Variants in STON2 observed in about 807,000 individuals in gnomAD.
STON2 encodes stonin-2.
In STON2, 29 loss-of-function variants were observed where a neutral mutation model predicts 65.7. The observed-to-expected ratio is 0.44, with a 90% CI of 0.33 to 0.60. The LOEUF (loss-of-function observed/expected upper bound fraction) is 0.60. STON2 is among the 20% of genes least tolerant of loss of function. The pLI, the probability that STON2 is intolerant of heterozygous loss-of-function variation, is 0.03. For missense variants in STON2, 1,054 were observed against 1,118.1 expected (o/e 0.94, Z 0.82); for synonymous variants, 404 against 414.2 (o/e 0.98, Z 0.30).
At chr14:81,375,341 T>A (rs1899202325) in intron 3 of STON2, among the ~76,000 whole-genome samples, 1 of 151,444 alleles carries the variant, frequency 6.6e-6, no homozygotes, top group South Asian at 2.1e-4. Flanking sequence ...AAAAAATATA[T>A]CTAAAATACA....
chr14:81,408,136 A>AACACACACACACACACACAC (rs149914558), intron 2 of STON2, among the ~76,000 whole-genome samples: 3 of 149,002 alleles, frequency 2.0e-5, no homozygotes, highest in African/African-American at 7.4e-5. Context: ...TTCACTGAAG[A>AACACACACACACACACACAC]ACACACACAC....
intron 5 of STON2, among the ~76,000 whole-genome samples, chr14:81,288,298 T>C (rs753818360): frequency 3.9e-5 from 6 of 152,194 alleles, no homozygotes; most frequent in African/African-American, 1.4e-4. Context: ...GATTTCCTCA[T>C]TGTGGGAACA....
At chr14:81,391,463 G>A (rs751906210) in intron 3 of STON2, among the ~76,000 whole-genome samples, 19 of 152,258 alleles carry the variant, frequency 1.2e-4, no homozygotes, top group Non-Finnish European at 2.2e-4. Flanking sequence ...GGGGGCTAAC[G>A]CCTAGTCTCT....
At chr14:81,377,490 T>C (rs1899307861) in intron 3 of STON2, among the ~76,000 whole-genome samples, 1 of 152,230 alleles carries the variant, frequency 6.6e-6, no homozygotes, top group African/African-American at 2.4e-5. Flanking sequence ...GTACAGGTTT[T>C]TGTATGAACG....
At chr14:81,331,823 T>G (rs1815725974) in intron 4 of STON2, among the ~76,000 whole-genome samples, 1 of 152,190 alleles carries the variant, frequency 6.6e-6, no homozygotes, top group Admixed American at 6.5e-5. Context: ...GCCTAACTGC[T>G]GCCAACTACT....
At chr14:81,340,288 G>C (rs1897552391) in intron 4 of STON2, among the ~76,000 whole-genome samples, 1 of 152,208 alleles carries the variant, frequency 6.6e-6, no homozygotes, top group South Asian at 2.1e-4. Context: ...TGGGTGCTTA[G>C]GGGTGGGGTG....
chr14:81,279,279 G>A (rs745905898), intron 5 of STON2, among the ~76,000 whole-genome samples: 4 of 152,122 alleles, frequency 2.6e-5, no homozygotes, highest in Non-Finnish European at 5.9e-5. Context: ...GTTCATACAT[G>A]TGAATAAGAA....
chr14:81,367,386 A>G (rs1324425229), intron 4 of STON2, among the ~76,000 whole-genome samples: 1 of 152,150 alleles, frequency 6.6e-6, no homozygotes, highest in African/African-American at 2.4e-5. Flanking sequence ...CATGTTGGCC[A>G]GGGTGGTCTC....
intron 4 of STON2, among the ~76,000 whole-genome samples, chr14:81,365,899 A>C (rs1898701109): frequency 6.6e-6 from 1 of 152,190 alleles, no homozygotes; most frequent in Non-Finnish European, 1.5e-5. Context: ...TATTCCCTCG[A>C]CCCTCTTACT....
At chr14:81,420,095 G>A (rs1010079387) in intron 2 of STON2, among the ~76,000 whole-genome samples, 3 of 152,182 alleles carry the variant, frequency 2.0e-5, no homozygotes, top group African/African-American at 7.2e-5. Flanking sequence ...TCCTTTAGCA[G>A]CAGATGAGAA....
intron 5 of STON2, among the ~76,000 whole-genome samples, chr14:81,297,218 G>A (rs1895797103): frequency 6.6e-6 from 1 of 152,106 alleles, no homozygotes; most frequent in African/African-American, 2.4e-5. Flanking sequence ...TATGCCAGCT[G>A]GTCTGTCTAG....
chr14:81,400,416 G>A (rs1398109776), upstream of STON2, among the ~76,000 whole-genome samples: 1 of 139,226 alleles, frequency 7.2e-6, no homozygotes, highest in East Asian at 2.2e-4. Context: ...CAGTAAAATT[G>A]AAGAGTCAGA....
At chr14:81,292,370 C>A (rs1019035036) in intron 5 of STON2, among the ~76,000 whole-genome samples, 5 of 152,136 alleles carry the variant, frequency 3.3e-5, no homozygotes, top group Admixed American at 3.3e-4. Context: ...TTGACCCATG[C>A]CAGGTGATAT....
intron 3 of STON2, among the ~76,000 whole-genome samples, chr14:81,376,463 A>G (rs1899257053): frequency 1.3e-5 from 2 of 152,140 alleles, no homozygotes; most frequent in Admixed American, 1.3e-4. Flanking sequence ...ACCTTGAAAT[A>G]AAGTGAACCA....
chr14:81,436,136 G>T (rs1386588335), intron 1 of STON2: 2 of 152,204 alleles, frequency 1.3e-5, no homozygotes, highest in Non-Finnish European at 2.9e-5. Flanking sequence ...GCCCGCGGCT[G>T]GTGGAAACGC....
rs1896657198 is a variant in STON2, at chr14:81,317,187, G to A, written c.742+6830C>T. On this transcript the variant is annotated intron_variant, in intron 5 of 7. Transcript: ENST00000614646. ...TCACGTGGCAAGAGAAAGAGCAAGA[G>A]AGATGCTAGGCTCTTTTAAACAACC... 2.6e-5 allele frequency among the ~76,000 whole-genome samples: 4 copies of A among 152,312 alleles called. No homozygotes were observed. The South Asian group carries it at 8.3e-4, about 32-fold the overall frequency.
chr14:81,264,800 A>C lies in STON2; in HGVS notation c.*3614T>G, dbSNP rs930831821. On this transcript the variant is annotated 3_prime_UTR_variant, in exon 8 of 8. Coordinates refer to ENST00000614646, the MANE Select transcript of STON2 (RefSeq NM_001394390.1). ...TATGAATGAAATGCAAACTTTTGAT[A>C]AGGAATAACTAGTACTATGTCTGCA... 3.0e-6 allele frequency: 3 copies of C among 985,340 alleles called. No individual in the cohort carries two copies. In the African/African-American group the frequency reaches 5.2e-5, roughly 17 times the overall value. The allele number at this position is 985,340 out of a possible 1,614,324, so 61.0% of individuals were successfully genotyped here.
intron 4 of STON2, among the ~76,000 whole-genome samples, chr14:81,340,010 C>T (rs1389126217): frequency 2.0e-5 from 3 of 151,924 alleles, no homozygotes; most frequent in Non-Finnish European, 2.9e-5. Context: ...AAAAATTAGC[C>T]GGGCGTGGTG....
intron 5 of STON2, among the ~76,000 whole-genome samples, chr14:81,305,336 T>A (rs1018179543): frequency 6.6e-6 from 1 of 152,258 alleles, no homozygotes; most frequent in African/African-American, 2.4e-5. Flanking sequence ...ACTGTGTATA[T>A]GTGTTCTGGT....
Sources: gnomAD v4.1 joint callset for allele counts (sites outside exome capture counted in the v4.1 genomes callset) on GRCh38, gnomAD v4.1.1 for gene constraint, MANE v1.5 for transcripts, NCBI Gene and HGNC (gene_info 2026-07-23, HGNC 2026-07-21) for gene names.